PRR14L: variants seen among roughly 807,000 people sequenced by gnomAD.
The protein encoded by PRR14L is protein PRR14L.
In PRR14L, 80 loss-of-function variants were observed where a neutral mutation model predicts 155.0. The ratio of observed to expected loss-of-function variants is 0.52; its 90% CI spans 0.43 to 0.62. The LOEUF is 0.62. PRR14L is among the 20% of genes least tolerant of loss of function. The pLI is 0.00. For synonymous variants in PRR14L, 883 were observed against 916.0 expected (o/e 0.96, Z 0.65); for missense variants, 2,469 against 2,548.0 (o/e 0.97, Z 0.67).
At chr22:31,734,969 C>T (rs886887842) in intron 2 of PRR14L, among the ~76,000 whole-genome samples, 6 of 152,218 alleles carry the variant, frequency 3.9e-5, no homozygotes, top group Non-Finnish European at 2.9e-5. Flanking sequence ...ACCTGCAGGT[C>T]TTCCGTTTCC....
rs555216015 is a variant in PRR14L, at chr22:31,741,029, G to A, written c.-51-2118C>T. ...AGCACTTTGGGAGGCCGAGAGGGGCGGATCACGAGGTCAGGAGATCAAGAC... is the reference window on the plus strand; with the variant it reads ...AGCACTTTGGGAGGCCGAGAGGGGCAGATCACGAGGTCAGGAGATCAAGAC... On this transcript the variant is annotated intron_variant, in intron 1 of 8. Transcript: ENST00000327423. Among the ~76,000 whole-genome samples the A allele has an allele frequency of 4.6e-5, 7 of 151,788 alleles. No individual in the cohort carries two copies. In the East Asian group the frequency reaches 1.4e-3, roughly 30 times the overall value.
At position 31,712,328 on chromosome 22, in the gene PRR14L, T is replaced by C; in HGVS notation, c.5511A>G (p.Lys1837=). 1 of 1,614,170 alleles carries C rather than the reference T, an allele frequency of 6.2e-7. No homozygotes were observed. The highest frequency in any genetic ancestry group is 8.5e-7 in the Non-Finnish European group (1 of 1,180,028). Residue 1837 remains lysine, a synonymous_variant, in exon 4 of 9, where the codon AAA becomes AAG. Coordinates refer to ENST00000327423, the MANE Select transcript of PRR14L (RefSeq NM_173566.3). ...GCATGTGGCTGGAGAAGCTCCGTTTTTTTGTCCAGATTCGGTAACATCCTG... is the reference window on the plus strand; with the variant it reads ...GCATGTGGCTGGAGAAGCTCCGTTTCTTTGTCCAGATTCGGTAACATCCTG... ...CSPGCYRIWT[K]KRSFSSHMPT... is the part of the protein sequence containing the mutation.
At chr22:31,711,859 G>C (rs2074625026) in intron 4 of PRR14L, among the ~76,000 whole-genome samples, 1 of 151,236 alleles carries the variant, frequency 6.6e-6, no homozygotes, top group Non-Finnish European at 1.5e-5. Flanking sequence ...AGAATGGTGT[G>C]AAATACAGAA....
chr22:31,729,043 G>GT (rs2074733804), intron 2 of PRR14L, among the ~76,000 whole-genome samples: 1 of 152,112 alleles, frequency 6.6e-6, no homozygotes. Flanking sequence ...CTTTGCATGC[G>GT]TAACAGATTT....
At chr22:31,736,242 C>T (rs1462264268) in intron 2 of PRR14L, among the ~76,000 whole-genome samples, 12 of 149,426 alleles carry the variant, frequency 8.0e-5, no homozygotes, top group Admixed American at 1.4e-4. Context: ...AAAAATTAGC[C>T]GGGTGTGGAG....
At chr22:31,699,763 A>C (rs1178322907) in intron 7 of PRR14L, among the ~76,000 whole-genome samples, 2 of 152,204 alleles carry the variant, frequency 1.3e-5, no homozygotes, top group Non-Finnish European at 1.5e-5. Context: ...AAAAGTCAGG[A>C]AGAATGATTT....
chr22:31,703,063 G>A lies in PRR14L; in HGVS notation c.6000+487C>T, dbSNP rs979461300. ...ACTCCTGGACTCAAGCGATCCGCCC[G>A]CCTCAGCCTCCCAAAGTGCTGAGAT... On this transcript the variant is annotated intron_variant, in intron 6 of 8. Transcript: ENST00000327423. Among the ~76,000 whole-genome samples the A allele has an allele frequency of 1.1e-4, 16 of 151,768 alleles. 1 individual carries two copies. The highest frequency in any genetic ancestry group is 2.1e-4 in the Non-Finnish European group (14 of 67,932).
rs373562622 is a variant in PRR14L at position 31,717,664 on chromosome 22, T to C, written c.548-373A>G. On this transcript the variant is annotated intron_variant, in intron 3 of 8. Transcript: ENST00000327423. ...GCAGACTCACAATAACAGCTTATTTTACTAGATGACCATGTTCTCAGTACT... is the reference window on the plus strand; with the variant it reads ...GCAGACTCACAATAACAGCTTATTTCACTAGATGACCATGTTCTCAGTACT... Among the ~76,000 whole-genome samples, 309 of 152,352 alleles carry C rather than the reference T, an allele frequency of 2.0e-3. 4 individuals carry two copies. Among genetic ancestry groups the C allele is most frequent in the South Asian group, 9.5e-3 (46 of 4,828 alleles).
At chr22:31,710,842 G>A (rs534270971) in intron 4 of PRR14L, among the ~76,000 whole-genome samples, 10 of 152,062 alleles carry the variant, frequency 6.6e-5, no homozygotes, top group South Asian at 2.1e-4. Context: ...TGATATTGAC[G>A]AAATTATTTC....
intron 3 of PRR14L, 138 bp downstream of exon 3, chr22:31,725,400 A>G (rs1719844496): frequency 1.6e-6 from 1 of 641,838 alleles, no homozygotes; most frequent in South Asian, 1.9e-5. Context: ...TCTACAGTGA[A>G]GTTACAGTTT....
At chr22:31,743,655 A>C (rs1446166484) in intron 1 of PRR14L, among the ~76,000 whole-genome samples, 1 of 152,014 alleles carries the variant, frequency 6.6e-6, no homozygotes, top group East Asian at 1.9e-4. Flanking sequence ...CCAAAAAATT[A>C]GCTGGGCATG....
chr22:31,734,667 G>C (rs934747710), intron 2 of PRR14L, among the ~76,000 whole-genome samples: 1 of 152,150 alleles, frequency 6.6e-6, no homozygotes, highest in Non-Finnish European at 1.5e-5. Flanking sequence ...CTTCTCTCAC[G>C]TCTCTTGACT....
chr22:31,735,650 A>AAAC (rs2074776312), intron 2 of PRR14L, among the ~76,000 whole-genome samples: 1 of 151,722 alleles, frequency 6.6e-6, no homozygotes, highest in African/African-American at 2.4e-5. Flanking sequence ...TGGAAAAAAA[A>AAAC]AAAAAAAGAA....
intron 5 of PRR14L, 85 bp downstream of exon 5, chr22:31,704,570 C>G: frequency 9.4e-7 from 1 of 1,061,532 alleles, no homozygotes; most frequent in Non-Finnish European, 1.4e-6. Context: ...ATGCCACAGA[C>G]GATCCACACC....
intron 6 of PRR14L, 111 bp downstream of exon 6, chr22:31,703,439 G>C: frequency 9.9e-7 from 1 of 1,011,512 alleles, no homozygotes; most frequent in Non-Finnish European, 1.5e-6. Context: ...GACACTGAAG[G>C]TGGTACGTAA....
chr22:31,746,594 G>A (rs528788721), intron 1 of PRR14L, among the ~76,000 whole-genome samples: 8 of 152,188 alleles, frequency 5.3e-5, no homozygotes, highest in Non-Finnish European at 8.8e-5. Context: ...TTTGACAGCT[G>A]CTACTGGCTT....
rs908574893 is a variant in PRR14L, at chr22:31,717,099, C to T, written c.740G>A (p.Ser247Asn). 10 of 1,552,090 alleles carry T rather than the reference C, an allele frequency of 6.4e-6. No individual in the cohort carries two copies. The African/African-American group carries it at 1.2e-4, about 19-fold the overall frequency. The change falls in exon 4 of 9, where the codon AGC becomes AAC. Residue 247 changes from serine (S) to asparagine (N), a missense_variant. Physicochemically the swap from Ser to Asn is conservative, Grantham distance 46 (BLOSUM62 1). Coordinates refer to ENST00000327423, the MANE Select transcript of PRR14L (RefSeq NM_173566.3). ...TAAAGGTTCTGGGGTAACTAATGTG[C>T]TGGTTTCTGAAACCTCATCACTGGT... ...IMTSDEVSET[S>N]TLVTPEPLTF...
At chr22:31,725,490 G>A in intron 3 of PRR14L, 48 bp downstream of exon 3, 1 of 1,233,262 alleles carries the variant, frequency 8.1e-7, no homozygotes, top group Non-Finnish European at 1.2e-6. Context: ...AACTAAAACA[G>A]TATTTGCAGT....
In PRR14L at chr22:31,703,563, G is replaced by T; in HGVS notation, c.5987C>A (p.Pro1996Gln). The T allele has an allele frequency of 1.9e-6, 3 of 1,612,666 alleles. No individual in the cohort carries two copies. The Admixed American group carries it at 5.0e-5, about 27-fold the overall frequency. ...CTTTACACTTACCTCTTTCTGTTCT[G>T]GGGGGCTGCTCTGTGGGCAGGGGCA... ...AACPCPQSSP[P>Q]EQKEAEPEKR... The change falls in exon 6 of 9, where the codon CCA (proline) becomes CAA (glutamine). Residue 1996 changes from proline to glutamine, a missense_variant. By Grantham distance (76) the Pro-to-Gln change is moderately conservative. Around this residue, in one of 2 missense-constraint regions of PRR14L, gnomAD observed 2,363 missense variants for 2,371.6 expected, o/e 1.00. Coordinates refer to ENST00000327423, the MANE Select transcript of PRR14L (RefSeq NM_173566.3).
Sources: gnomAD v4.1 joint callset for allele counts (sites outside exome capture counted in the v4.1 genomes callset) on GRCh38, gnomAD v4.1.1 for gene constraint, gnomAD v4.1.1 regional missense constraint, MANE v1.5 for transcripts, NCBI Gene and HGNC (gene_info 2026-07-23, HGNC 2026-07-21) for gene names.